Variants in LFNG observed in about 807,000 individuals in gnomAD.
LFNG encodes beta-1,3-N-acetylglucosaminyltransferase lunatic fringe.
In LFNG, 15 loss-of-function variants were observed where a neutral mutation model predicts 32.7. The observed-to-expected ratio is 0.46, with a 90% CI of 0.31 to 0.71. LFNG has a LOEUF of 0.71. Ranked by LOEUF, LFNG falls within the 30% of genes least tolerant of loss-of-function variation. LFNG has a pLI of 0.06. For synonymous variants in LFNG, 274 were observed against 246.8 expected (o/e 1.11, Z -1.03); for missense variants, 520 against 545.7 (o/e 0.95, Z 0.47).
In LFNG at chr7:2,526,751, C is replaced by T. The variant is rs1779989020; in HGVS notation, c.988-85C>T. 1 of 1,303,258 alleles carries T rather than the reference C, an allele frequency of 7.7e-7. No homozygotes were observed. The highest frequency in any genetic ancestry group is 1.1e-6 in the Non-Finnish European group (1 of 904,402). The allele number at this position is 1,303,258 out of a possible 1,614,324, so 80.7% of individuals were successfully genotyped here. A position where few individuals can be genotyped will look rare whatever the true frequency, so the allele number is the denominator to read the frequency against. On this transcript the variant is annotated intron_variant, in intron 6 of 7. Transcript: ENST00000222725. The surrounding 1 kb of genome is among the most constrained non-coding windows in gnomAD (Gnocchi z 6.9). ...AAGGGAGGCCAGGGCAGGGCCGTTG[C>T]CTCACTCAGGGCTGTGTGGCCAGCC...
chr7:2,518,481 A>T, upstream of LFNG: 1 of 857,200 alleles, frequency 1.2e-6, no homozygotes, highest in Non-Finnish European at 2.0e-6. Flanking sequence ...AGGGTCTGAC[A>T]GTGGGGCCAG....
chr7:2,524,818 GCCCCTCTGGGCCGAGAGGTCA>G, intron 2 of LFNG, 75 bp downstream of exon 2: 1 of 1,369,642 alleles, frequency 7.3e-7, no homozygotes, highest in Non-Finnish European at 1.0e-6. Flanking sequence ...CAGTCTCCCT[GCCCCTCTGGGCCGAGAGGTCA>G]CCAAGGGCAG....
At chr7:2,523,132 T>C (rs1196282398) in intron 1 of LFNG, among the ~76,000 whole-genome samples, 1 of 152,224 alleles carries the variant, frequency 6.6e-6, no homozygotes, top group Non-Finnish European at 1.5e-5. Context: ...CCTCCCTTGA[T>C]CTCATTAAGA....
chr7:2,517,876 C>G, upstream of LFNG: 1 of 1,189,410 alleles, frequency 8.4e-7, no homozygotes, highest in Non-Finnish European at 1.1e-6. Context: ...GGGTTTTGCT[C>G]TTTGTGTGGG....
intron 1 of LFNG, among the ~76,000 whole-genome samples, chr7:2,522,125 G>A (rs1779809170): frequency 1.3e-5 from 2 of 152,238 alleles, no homozygotes; most frequent in South Asian, 4.1e-4. Flanking sequence ...ATAGAAAGAT[G>A]TCAGGGCTGT....
In LFNG at chr7:2,524,036, C is replaced by T. The variant is rs557508575; in HGVS notation, c.433-659C>T. ...ACCAGGCCAGCTGTATGGTAATGGG[C>T]GGCGCGGCCACTCTGCTTAACTCGG... is the stretch of plus-strand genomic sequence containing the variant. On this transcript the variant is annotated intron_variant, in intron 1 of 7. Transcript: ENST00000222725. Among the ~76,000 whole-genome samples the T allele has an allele frequency of 5.3e-4, 80 of 152,278 alleles. 1 individual carries two copies. In the South Asian group the frequency reaches 0.014, roughly 28 times the overall value.
At position 2,527,101 on chromosome 7, in the gene LFNG, C is replaced by G; in HGVS notation, c.1074-45C>G. The G allele has an allele frequency of 6.3e-7, 1 of 1,585,864 alleles. No homozygotes were observed. Among genetic ancestry groups the G allele is most frequent in the South Asian group, 1.1e-5 (1 of 90,442 alleles). On this transcript the variant is annotated intron_variant, in intron 7 of 7. Transcript: ENST00000222725. This position sits in a 1 kb window ranked among gnomAD's most constrained non-coding sequence, Gnocchi z 4.4. ...TGGGACTGCAAATGGGAGCTCAGCA[C>G]CTGCCTGCCACCCACGCAGACCAGC... is the stretch of plus-strand genomic sequence containing the variant.
At chr7:2,516,272 T>C (rs1253570477), upstream of LFNG, among the ~76,000 whole-genome samples, 4 of 152,200 alleles carry the variant, frequency 2.6e-5, no homozygotes, top group Non-Finnish European at 5.9e-5. Flanking sequence ...CCGCTCTCCA[T>C]CAGCCGATGA....
chr7:2,512,593 G>T (rs1459058879), exon 1 of LFNG: 1 of 1,483,164 alleles, frequency 6.7e-7, no homozygotes, highest in Non-Finnish European at 9.4e-7. Context: ...AGGCCAAGGC[G>T]GCTCCTGGCC....
At chr7:2,513,859 A>G (rs765010367), upstream of LFNG, among the ~76,000 whole-genome samples, 2 of 152,232 alleles carry the variant, frequency 1.3e-5, no homozygotes, top group African/African-American at 2.4e-5. Context: ...CCCATGGCCC[A>G]GCTGGCCTCA....
rs143360919 is a variant in LFNG, at chr7:2,526,471, G to A, written c.987+62G>A. 1.5e-5 allele frequency: 24 copies of A among 1,572,652 alleles called. No individual in the cohort carries two copies. Among genetic ancestry groups the A allele is most frequent in the African/African-American group, 6.7e-5 (5 of 74,400 alleles). ...GCACAGGAAGGGACGTGTGGCTGCCGAGAGGGGCGCAGTGGGGTGGGGCAC... is the reference window on the plus strand; with the variant it reads ...GCACAGGAAGGGACGTGTGGCTGCCAAGAGGGGCGCAGTGGGGTGGGGCAC... On this transcript the variant is annotated intron_variant, in intron 6 of 7. Transcript: ENST00000222725. This position sits in a 1 kb window ranked among gnomAD's most constrained non-coding sequence, Gnocchi z 6.9.
At chr7:2,517,041 CT>C (rs57032882), upstream of LFNG, among the ~76,000 whole-genome samples, 12,419 of 152,218 alleles carry the variant, frequency 0.082, 595 homozygotes, top group Admixed American at 0.12. Flanking sequence ...CCCAGCTCCC[CT>C]TTGTCCTGTC....
Position 2,527,624 on chromosome 7 carries a change from C to A in LFNG, c.*412C>A, listed in dbSNP as rs778723010. 9.4e-6 allele frequency: 11 copies of A among 1,168,892 alleles called. No homozygotes were observed. The South Asian group carries it at 1.6e-4, about 17-fold the overall frequency. 72.4% of individuals were successfully genotyped at this position (1,168,892 alleles called of 1,614,324 possible). On this transcript the variant is annotated 3_prime_UTR_variant, in exon 8 of 8. Coordinates refer to ENST00000222725, the MANE Select transcript of LFNG (RefSeq NM_001040167.2). This position sits in a 1 kb window ranked among gnomAD's most constrained non-coding sequence, Gnocchi z 4.4. ...GACCACAAGCTCTGTGCTGGGGGTACCTGTGCCCTGAAGTCCTGGCCCCTG... is the reference window on the plus strand; with the variant it reads ...GACCACAAGCTCTGTGCTGGGGGTAACTGTGCCCTGAAGTCCTGGCCCCTG...
chr7:2,525,815 C>T lies in LFNG; in HGVS notation c.821+45C>T, dbSNP rs186624179. The T allele has an allele frequency of 2.1e-4, 327 of 1,538,374 alleles. 3 individuals are homozygous for T. The East Asian group carries it at 6.3e-3, about 29-fold the overall frequency. ...TAGGCCAGCCCGGTCCCAGGCTCCT[C>T]GCCACTGTGGGGCCTGGCTTAGTTC... On this transcript the variant is annotated intron_variant, in intron 5 of 7. Coordinates refer to ENST00000222725, the MANE Select transcript of LFNG (RefSeq NM_001040167.2).
At chr7:2,515,915 C>T (rs796361540), upstream of LFNG, among the ~76,000 whole-genome samples, 27 of 152,374 alleles carry the variant, frequency 1.8e-4, no homozygotes, top group Admixed American at 6.5e-4. Context: ...ATCCCTCCCC[C>T]GGCCTTGGGA....
upstream of LFNG, chr7:2,513,243 GGACA>G (rs1779533754): frequency 6.3e-7 from 1 of 1,582,924 alleles, no homozygotes; most frequent in East Asian, 2.3e-5. Context: ...ACGGACAGAT[GGACA>G]GATGGATGGA....
In LFNG at chr7:2,527,059, T is replaced by C. The variant is rs908003363; in HGVS notation, c.1074-87T>C. ...CCCCCGGAGTCCTGCTTGCTCGGGG[T>C]GGGGCCGCCAGTGTTGTGGGACTGC... On this transcript the variant is annotated intron_variant, in intron 7 of 7. Coordinates refer to ENST00000222725, the MANE Select transcript of LFNG (RefSeq NM_001040167.2). The surrounding 1 kb of genome is among the most constrained non-coding windows in gnomAD (Gnocchi z 4.4). The C allele has an allele frequency of 6.8e-7, 1 of 1,465,616 alleles. No homozygotes were observed. The highest frequency in any genetic ancestry group is 9.5e-7 in the Non-Finnish European group (1 of 1,054,180). The allele number at this position is 1,465,616 out of a possible 1,614,324, so 90.8% of individuals were successfully genotyped here. A position where few individuals can be genotyped will look rare whatever the true frequency, so the allele number is the denominator to read the frequency against.
upstream of LFNG, chr7:2,513,247 A>AAATG: frequency 6.3e-7 from 1 of 1,584,136 alleles, no homozygotes; most frequent in Non-Finnish European, 8.6e-7. Context: ...ACAGATGGAC[A>AAATG]GATGGATGGA....
intron 2 of LFNG, 77 bp from the exon 3 acceptor site, chr7:2,525,142 C>A: frequency 7.8e-7 from 1 of 1,279,358 alleles, no homozygotes; most frequent in Non-Finnish European, 1.1e-6. Flanking sequence ...AGCCCCTGGG[C>A]CCTGTGGCGT....
Sources: gnomAD v4.1 joint callset for allele counts (sites outside exome capture counted in the v4.1 genomes callset) on GRCh38, gnomAD v4.1.1 for gene constraint, Gnocchi (gnomAD v3.1) non-coding constraint, MANE v1.5 for transcripts, NCBI Gene and HGNC (gene_info 2026-07-23, HGNC 2026-07-21) for gene names.